The following RTN4IP1 variants were observed in gnomAD, a reference collection of about 807,000 sequenced individuals.
RTN4IP1 encodes the protein reticulon 4 interacting protein 1.
A neutral mutation model predicts 46.6 loss-of-function variants in RTN4IP1; 32 were observed. That is an observed-to-expected ratio of 0.69 (90% CI 0.52 to 0.92). The LOEUF is 0.92. Ranked by LOEUF, RTN4IP1 falls within the 40% of genes least tolerant of loss-of-function variation. The pLI, the probability that RTN4IP1 is intolerant of heterozygous loss-of-function variation, is 0.00. For synonymous variants in RTN4IP1, 167 were observed against 161.8 expected (o/e 1.03, Z -0.24); for missense variants, 424 against 485.8 (o/e 0.87, Z 1.20).
chr6:106,613,239 T>G (rs1776273015), intron 4 of RTN4IP1, among the ~76,000 whole-genome samples: 1 of 152,232 alleles, frequency 6.6e-6, no homozygotes, highest in Middle Eastern at 3.4e-3. Flanking sequence ...GTCACTTCTG[T>G]GTAAAGTTAA....
intron 8 of RTN4IP1, among the ~76,000 whole-genome samples, chr6:106,574,867 TAC>T (rs1430515722): frequency 1.3e-5 from 2 of 152,208 alleles, no homozygotes; most frequent in African/African-American, 4.8e-5. Flanking sequence ...AGCTTACAGT[TAC>T]TGCCCACTTT....
chr6:106,628,835 T>C lies in RTN4IP1; in HGVS notation c.187A>G (p.Met63Val), dbSNP rs765442352. 1 of 1,614,050 alleles carries C rather than the reference T, an allele frequency of 6.2e-7. No homozygotes were observed. The highest frequency in any genetic ancestry group is 1.3e-5 in the African/African-American group (1 of 74,942). Residue 63 changes from methionine to valine, a missense_variant, in exon 1 of 9, where the codon ATG (methionine) becomes GTG (valine). Transcript: ENST00000369063. ...KNEVLRFTQNMMMPIIHYPNE... is the reference protein window; with the variant it reads ...KNEVLRFTQNVMMPIIHYPNE... ...GGATAGTGTATGATAGGCATCATCA[T>C]GTTCTGAGTGAATCGAAGCACTTCA...
chr6:106,579,815 T>A (rs1243301197), intron 8 of RTN4IP1, among the ~76,000 whole-genome samples: 1 of 151,910 alleles, frequency 6.6e-6, no homozygotes, highest in African/African-American at 2.4e-5. Context: ...GATTGCCCTA[T>A]GTTGCCCAGG....
chr6:106,629,755 G>C, upstream of RTN4IP1: 1 of 1,577,892 alleles, frequency 6.3e-7, no homozygotes, highest in Non-Finnish European at 8.6e-7. Flanking sequence ...AAAGTTTAAC[G>C]GACTTCGTTG....
intron 3 of RTN4IP1, 76 bp from the exon 4 acceptor site, chr6:106,619,402 A>G: frequency 1.9e-6 from 3 of 1,542,568 alleles, no homozygotes; most frequent in East Asian, 2.3e-5. Context: ...ATTTACCTTC[A>G]CAGGAATCCA....
intron 7 of RTN4IP1, 53 bp downstream of exon 7, chr6:106,587,626 T>C (rs2114633912): frequency 1.3e-6 from 2 of 1,542,574 alleles, no homozygotes; most frequent in South Asian, 1.2e-5. Context: ...GGGAAACCAA[T>C]TTCTAGCAGC....
intron 8 of RTN4IP1, among the ~76,000 whole-genome samples, chr6:106,581,030 A>G (rs1290382775): frequency 2.0e-5 from 3 of 150,940 alleles, no homozygotes; most frequent in African/African-American, 7.3e-5. Context: ...CCATTTTGTT[A>G]GGAGAGAAAG....
intron 3 of RTN4IP1, among the ~76,000 whole-genome samples, chr6:106,619,963 T>A (rs1429583715): frequency 1.3e-5 from 2 of 152,152 alleles, no homozygotes; most frequent in Non-Finnish European, 2.9e-5. Flanking sequence ...AAGGATACAG[T>A]ATATAATATA....
intron 8 of RTN4IP1, among the ~76,000 whole-genome samples, chr6:106,581,474 C>T (rs899259291): frequency 6.6e-6 from 1 of 152,186 alleles, no homozygotes; most frequent in Non-Finnish European, 1.5e-5. Flanking sequence ...TGACCTCTCA[C>T]ATCCACACAG....
chr6:106,589,324 AGAAGAG>A (rs1410022583), intron 6 of RTN4IP1, among the ~76,000 whole-genome samples: 12 of 147,128 alleles, frequency 8.2e-5, no homozygotes, highest in African/African-American at 3.0e-4. Context: ...AGGAAGAGGA[AGAAGAG>A]GAAGAGGAAG....
rs780461711 is a variant in RTN4IP1, at chr6:106,575,436, C to T, written c.1084-3333G>A. 3.3e-5 allele frequency among the ~76,000 whole-genome samples: 5 copies of T among 152,332 alleles called. No individual in the cohort carries two copies. In the South Asian group the frequency reaches 8.3e-4, roughly 25 times the overall value. On this transcript the variant is annotated intron_variant, in intron 8 of 8. Transcript: ENST00000369063. ...CATCACTTCTGTGAGAACGTAGGGA[C>T]GACGGGAACCTTAACCTCTCTGGAT...
chr6:106,610,218 C>T (rs80326054), intron 4 of RTN4IP1, among the ~76,000 whole-genome samples: 2 of 152,062 alleles, frequency 1.3e-5, no homozygotes, highest in Admixed American at 6.6e-5. Context: ...CCCACCACCA[C>T]ACCTGGCTAA....
intron 5 of RTN4IP1, among the ~76,000 whole-genome samples, chr6:106,600,595 C>T (rs1236032416): frequency 6.6e-6 from 1 of 151,902 alleles, no homozygotes; most frequent in East Asian, 1.9e-4. Context: ...CTACCCCCAG[C>T]CCCTGACAAC....
chr6:106,587,309 A>G (rs921692679), intron 7 of RTN4IP1, among the ~76,000 whole-genome samples: 2 of 152,282 alleles, frequency 1.3e-5, no homozygotes, highest in Non-Finnish European at 2.9e-5. Context: ...CATCAGATGT[A>G]ATCAAGAGAG....
intron 4 of RTN4IP1, among the ~76,000 whole-genome samples, chr6:106,618,370 T>C (rs1021832891): frequency 1.3e-5 from 2 of 152,166 alleles, no homozygotes; most frequent in Non-Finnish European, 2.9e-5. Context: ...TAGTATCTAG[T>C]TTTCTCAACA....
At chr6:106,582,119 G>A (rs908177062) in intron 8 of RTN4IP1, among the ~76,000 whole-genome samples, 4 of 152,160 alleles carry the variant, frequency 2.6e-5, no homozygotes, top group African/African-American at 9.7e-5. Flanking sequence ...AAATATTTGG[G>A]AAATAATAAC....
chr6:106,620,446 T>C (rs756561905), intron 3 of RTN4IP1, among the ~76,000 whole-genome samples: 23 of 152,140 alleles, frequency 1.5e-4, no homozygotes, highest in Non-Finnish European at 2.9e-4. Flanking sequence ...TGGGCAACAG[T>C]AGGCTATTAG....
At chr6:106,627,342 T>C (rs900947037) in intron 1 of RTN4IP1, among the ~76,000 whole-genome samples, 4 of 152,116 alleles carry the variant, frequency 2.6e-5, no homozygotes, top group African/African-American at 9.7e-5. Flanking sequence ...TTTAAAGAAA[T>C]AAAAAGCTAA....
At chr6:106,589,345 A>G (rs1402522556) in intron 6 of RTN4IP1, among the ~76,000 whole-genome samples, 1 of 149,906 alleles carries the variant, frequency 6.7e-6, no homozygotes, top group Non-Finnish European at 1.5e-5. Flanking sequence ...AGGAAGAAGA[A>G]GAAGAAAAAA....
Sources: gnomAD v4.1 joint callset for allele counts (sites outside exome capture counted in the v4.1 genomes callset) on GRCh38, gnomAD v4.1.1 for gene constraint, MANE v1.5 for transcripts, NCBI Gene and HGNC (gene_info 2026-07-23, HGNC 2026-07-21) for gene names.